Variants in WDR36 observed in about 807,000 individuals in gnomAD.
The protein encoded by WDR36 is WD repeat-containing protein 36.
In WDR36, 63 loss-of-function variants were observed where a neutral mutation model predicts 112.7. That is an observed-to-expected ratio of 0.56 (90% confidence interval 0.46 to 0.69). The LOEUF (loss-of-function observed/expected upper bound fraction) is 0.69. Ranked by LOEUF, WDR36 falls within the 30% of genes least tolerant of loss-of-function variation. The probability of loss-of-function intolerance (pLI) is 0.00; values close to 1 mark genes in which losing one functional copy is unlikely to be tolerated. For missense variants in WDR36, 1,226 were observed against 1,070.3 expected, an observed-to-expected ratio of 1.15 and a Z score of -2.03; for synonymous variants, 410 against 362.2, an observed-to-expected ratio of 1.13 and a Z score of -1.50.
chr5:111,120,453 T>C (rs1753541898), intron 17 of WDR36, 43 bp from the exon 18 acceptor site: 1 of 1,499,542 alleles, frequency 6.7e-7, no homozygotes, highest in Admixed American at 1.7e-5. Flanking sequence ...TGAAAGAAAC[T>C]TTTTATAATT....
Position 111,104,293 on chromosome 5 carries a change from C to T in WDR36, c.847C>T (p.Leu283=). 1.9e-6 allele frequency: 3 copies of T among 1,612,084 alleles called. No individual in the cohort carries two copies. Among genetic ancestry groups the T allele is most frequent in the Non-Finnish European group, 2.5e-6 (3 of 1,178,572 alleles). The change falls in exon 8 of 23, where the codon CTG becomes TTG. Residue 283 remains leucine, a synonymous_variant. Coordinates refer to ENST00000513710, the MANE Select transcript of WDR36 (RefSeq NM_139281.3). ...RNAHSTAIAG[L]TFLHREPLLV... ...TGCACACTCTACAGCAATTGCCGGA[C>T]TGACATTTCTCCATAGAGAGCCACT... is the stretch of plus-strand genomic sequence containing the variant.
intron 21 of WDR36, among the ~76,000 whole-genome samples, chr5:111,124,402 G>C (rs1262773864): frequency 6.6e-6 from 1 of 152,028 alleles, no homozygotes; most frequent in African/African-American, 2.4e-5. Context: ...ATCTGTTGAA[G>C]ATTTTTCATA....
chr5:111,098,801 C>A lies in WDR36; in HGVS notation c.371C>A (p.Thr124Asn). 2 of 1,612,054 alleles carry A rather than the reference C, an allele frequency of 1.2e-6. No individual in the cohort carries two copies. Among genetic ancestry groups the A allele is most frequent in the South Asian group, 1.1e-5 (1 of 91,040 alleles). The change falls in exon 4 of 23, where the codon ACT (threonine) becomes AAT (asparagine). Residue 124 changes from threonine (T) to asparagine (N), a missense_variant. Transcript: ENST00000513710. ...GGAGACCACATTATCTCTGTTGATA[C>A]TGATGGCATTCTTATTATTTGGCAC... ...PFGDHIISVDTDGILIIWHIY... is the reference protein window; with the variant it reads ...PFGDHIISVDNDGILIIWHIY...
chr5:111,118,977 G>T, intron 16 of WDR36, 36 bp from the exon 17 acceptor site: 1 of 1,537,936 alleles, frequency 6.5e-7, no homozygotes, highest in Non-Finnish European at 9.0e-7. Context: ...TTTTGGTAGA[G>T]TTCAAATACT....
chr5:111,104,618 A>C, intron 8 of WDR36, 79 bp from the exon 9 acceptor site: 1 of 1,604,444 alleles, frequency 6.2e-7, no homozygotes, highest in Non-Finnish European at 8.5e-7. Flanking sequence ...ATACCAGTTG[A>C]TTTATGTAGG....
chr5:111,100,090 T>C (rs1311757173), intron 4 of WDR36, among the ~76,000 whole-genome samples: 1 of 151,958 alleles, frequency 6.6e-6, no homozygotes, highest in East Asian at 1.9e-4. Context: ...AGAGATTATT[T>C]TGTGGAAATG....
At chr5:111,095,775 C>T (rs1199329056) in intron 2 of WDR36, among the ~76,000 whole-genome samples, 3 of 152,188 alleles carry the variant, frequency 2.0e-5, no homozygotes, top group African/African-American at 7.2e-5. Flanking sequence ...TAGTGATTTT[C>T]TTTTGCCATC....
chr5:111,115,297 G>A (rs1040649937), intron 16 of WDR36, among the ~76,000 whole-genome samples: 1 of 152,200 alleles, frequency 6.6e-6, no homozygotes, highest in Non-Finnish European at 1.5e-5. Context: ...AACTGCTGCT[G>A]CTTAATTGCA....
Position 111,105,301 on chromosome 5 carries a change from A to G in WDR36, c.1034A>G (p.Asp345Gly). 1 of 1,609,932 alleles carries G rather than the reference A, an allele frequency of 6.2e-7. No individual in the cohort carries two copies. Residue 345 changes from aspartate to glycine, a missense_variant, in exon 10 of 23, where the codon GAT becomes GGT. Coordinates refer to ENST00000513710, the MANE Select transcript of WDR36 (RefSeq NM_139281.3). ...NGQQILSASQ[D>G]GTLQSFSTVH... is the part of the protein sequence containing the mutation. ...TTTCTGTGTATATCAACAGGTCAAGATGGAACTCTTCAGTCATTTTCCACG... is the reference window on the plus strand; with the variant it reads ...TTTCTGTGTATATCAACAGGTCAAGGTGGAACTCTTCAGTCATTTTCCACG...
At position 111,105,277 on chromosome 5, in the gene WDR36, T is replaced by C. The variant is rs749942238; in HGVS notation, c.1028-18T>C. The C allele has an allele frequency of 5.0e-6, 8 of 1,607,972 alleles. No individual in the cohort carries two copies. The Admixed American group carries it at 1.3e-4, about 27-fold the overall frequency. ...TTTTAATGAAGCTTGATTAGGGATT[T>C]TCTGTGTATATCAACAGGTCAAGAT... On this transcript the variant is annotated intron_variant, in intron 9 of 22. Transcript: ENST00000513710.
chr5:111,096,079 A>T (rs1237439515), intron 2 of WDR36, among the ~76,000 whole-genome samples: 1 of 152,254 alleles, frequency 6.6e-6, no homozygotes, highest in African/African-American at 2.4e-5. Context: ...GGGTTATGCA[A>T]ACAAATACTA....
Position 111,126,932 on chromosome 5 carries a change from T to G in WDR36, c.*49T>G, listed in dbSNP as rs1753688955. The G allele has an allele frequency of 6.7e-7, 1 of 1,489,698 alleles. No homozygotes were observed. Among genetic ancestry groups the G allele is most frequent in the Admixed American group, 2.2e-5 (1 of 45,018 alleles). The allele number at this position is 1,489,698 out of a possible 1,614,324, so 92.3% of individuals were successfully genotyped here. On this transcript the variant is annotated 3_prime_UTR_variant, in exon 23 of 23. Coordinates refer to ENST00000513710, the MANE Select transcript of WDR36 (RefSeq NM_139281.3). ...GACTTTCATATTAAATGGGTTCAAT[T>G]GAACTCATTTCTTATTTTCCAAGTG...
At chr5:111,121,383 T>C (rs1371326632) in intron 19 of WDR36, among the ~76,000 whole-genome samples, 1 of 152,166 alleles carries the variant, frequency 6.6e-6, no homozygotes, top group East Asian at 1.9e-4. Context: ...GTTGAGCCTG[T>C]AACTACAGAG....
rs1162406237 is a variant in WDR36 at position 111,100,711 on chromosome 5, G to T, written c.532G>T (p.Val178Leu). 4 of 1,608,542 alleles carry T rather than the reference G, an allele frequency of 2.5e-6. No individual in the cohort carries two copies. The African/African-American group carries it at 4.0e-5, about 16-fold the overall frequency. ...ACAAGGAAGCCTGCAGTTGTGGAAT[G>T]TAAAATCCAAGTAAGTATTTTAGTT... ...SEQGSLQLWN[V>L]KSNKLLYTFP... is the part of the protein sequence containing the mutation. Residue 178 changes from valine (V) to leucine (L), a missense_variant, in exon 5 of 23, where the codon GTA becomes TTA. Coordinates refer to ENST00000513710, the MANE Select transcript of WDR36 (RefSeq NM_139281.3).
At chr5:111,100,456 G>A in intron 4 of WDR36, 133 bp from the exon 5 acceptor site, 1 of 551,082 alleles carries the variant, frequency 1.8e-6, no homozygotes, top group East Asian at 3.2e-5. Context: ...TTATAGATTA[G>A]TATCTAAGTC....
chr5:111,111,688 G>A (rs1753342555), intron 15 of WDR36: 1 of 186,072 alleles, frequency 5.4e-6, no homozygotes, highest in African/African-American at 2.4e-5. Flanking sequence ...TTAGTTTAGT[G>A]CTATTTCTAG....
At chr5:111,098,863 C>T (rs1354169445) in intron 4 of WDR36, 24 bp downstream of exon 4, 1 of 1,444,140 alleles carries the variant, frequency 6.9e-7, no homozygotes, top group Non-Finnish European at 9.7e-7. Flanking sequence ...CATTTATTTG[C>T]TTTATCTTAG....
At chr5:111,125,883 T>A (rs1753671110) in intron 22 of WDR36, 88 bp downstream of exon 22, 2 of 1,353,422 alleles carry the variant, frequency 1.5e-6, no homozygotes, top group Non-Finnish European at 2.1e-6. Context: ...ATGGGTATGC[T>A]GTATATCCAT....
In WDR36 at chr5:111,104,366, T is replaced by C. The variant is rs1297423350; in HGVS notation, c.906+14T>C. The C allele has an allele frequency of 1.2e-6, 2 of 1,611,468 alleles. No individual in the cohort carries two copies. Among genetic ancestry groups the C allele is most frequent in the Admixed American group, 1.7e-5 (1 of 59,798 alleles). ...AATGCTCTTAGGGTATTATGATTAT[T>C]GTTAACATCTTCCTGGCTCATCTAA... On this transcript the variant is annotated intron_variant, in intron 8 of 22. Transcript: ENST00000513710.
Sources: allele counts gnomAD v4.1 joint callset (sites outside exome capture counted in the v4.1 genomes callset), GRCh38; gene constraint gnomAD v4.1.1; transcripts MANE v1.5; gene names NCBI Gene and HGNC (gene_info 2026-07-23, HGNC 2026-07-21).